AFAP1: variants seen among roughly 807,000 people sequenced by gnomAD.
The protein encoded by AFAP1 is actin filament associated protein 1.
AFAP1 carries 75 observed loss-of-function variants against 93.9 expected under a neutral mutation model. That is an observed-to-expected ratio of 0.80 (90% confidence interval 0.66 to 0.97). The LOEUF (loss-of-function observed/expected upper bound fraction) is 0.97, where lower values mean the gene tolerates loss of function less well. AFAP1 is among the 50% of genes least tolerant of loss of function. AFAP1 has a pLI of 0.00. For missense variants in AFAP1, 1,201 were observed against 1,050.8 expected (o/e 1.14, Z -1.98); for synonymous variants, 517 against 430.7 (o/e 1.20, Z -2.48).
At chr4:7,904,687 A>G (rs1719302257) in intron 1 of AFAP1, among the ~76,000 whole-genome samples, 1 of 139,432 alleles carries the variant, frequency 7.2e-6, no homozygotes, top group Non-Finnish European at 1.6e-5. Context: ...TGCCACTATT[A>G]CAAATGGTTT....
At chr4:7,847,648 G>C (rs937467153) in intron 4 of AFAP1, among the ~76,000 whole-genome samples, 1 of 152,214 alleles carries the variant, frequency 6.6e-6, no homozygotes, top group Non-Finnish European at 1.5e-5. Flanking sequence ...ATTACATTAA[G>C]AGGTCATAAA....
rs751775943 is a variant in AFAP1, at chr4:7,772,933, C to T, written c.2140G>A (p.Val714Ile). 6.2e-7 allele frequency: 1 copy of T among 1,613,888 alleles called. No individual in the cohort carries two copies. Among genetic ancestry groups the T allele is most frequent in the South Asian group, 1.1e-5 (1 of 91,090 alleles). ...EECRQKEAER[V>I]SLELELTEVK... ...TCCGTCAGCTCCAGCTCCAGGCTGA[C>T]ACGCTCCGCCTCCTTCTGCCGGCAC... is the stretch of plus-strand genomic sequence containing the variant. The change falls in exon 16 of 18, where the codon GTC becomes ATC. Residue 714 changes from valine (V) to isoleucine (I), a missense_variant. Coordinates refer to ENST00000420658, the MANE Select transcript of AFAP1 (RefSeq NM_001134647.2).
chr4:7,790,821 C>T (rs1717799107), intron 11 of AFAP1, among the ~76,000 whole-genome samples: 1 of 152,122 alleles, frequency 6.6e-6, no homozygotes, highest in Admixed American at 6.5e-5. Context: ...GATTTCCACA[C>T]AAAAGGACAG....
chr4:7,821,461 C>A (rs928213408), intron 6 of AFAP1, among the ~76,000 whole-genome samples: 1 of 152,154 alleles, frequency 6.6e-6, no homozygotes, highest in Non-Finnish European at 1.5e-5. Context: ...TTCCCAGCCG[C>A]CCCCTACATG....
chr4:7,815,951 G>A (rs2149064139), intron 8 of AFAP1, 67 bp downstream of exon 8: 2 of 1,401,032 alleles, frequency 1.4e-6, no homozygotes, highest in African/African-American at 1.5e-5. Context: ...TTACAAACCT[G>A]GCTGTAGATT....
At chr4:7,909,440 G>A (rs1355624128) in intron 1 of AFAP1, among the ~76,000 whole-genome samples, 2 of 152,078 alleles carry the variant, frequency 1.3e-5, no homozygotes, top group Admixed American at 6.5e-5. Context: ...ACCCAAAATC[G>A]TTTCCTGCCA....
At chr4:7,802,783 G>C (rs1258245010) in intron 9 of AFAP1, among the ~76,000 whole-genome samples, 1 of 151,916 alleles carries the variant, frequency 6.6e-6, no homozygotes, top group East Asian at 1.9e-4. Context: ...CCAAGCAGCT[G>C]GGACTACAGG....
intron 11 of AFAP1, among the ~76,000 whole-genome samples, chr4:7,793,023 G>A (rs1205991488): frequency 1.3e-5 from 2 of 152,294 alleles, no homozygotes; most frequent in Middle Eastern, 3.4e-3. Context: ...ATTTAACCCC[G>A]CAGACTGCCA....
intron 11 of AFAP1, among the ~76,000 whole-genome samples, chr4:7,788,309 C>T (rs1200059354): frequency 6.6e-6 from 1 of 152,224 alleles, no homozygotes; most frequent in Non-Finnish European, 1.5e-5. Context: ...AACACAGGGG[C>T]AAGTGAAGCC....
intron 13 of AFAP1, chr4:7,779,107 C>T (rs4689861): frequency 0.15 from 76,866 of 510,202 alleles, 6,226 homozygotes; most frequent in Admixed American, 0.18. Context: ...GGATGTGTTC[C>T]GCTGGAACAC....
chr4:7,908,161 G>A lies in AFAP1; in HGVS notation c.-3+31495C>T, dbSNP rs577432523. 8.7e-4 allele frequency among the ~76,000 whole-genome samples: 132 copies of A among 151,026 alleles called. 2 individuals are homozygous for A. In the South Asian group the frequency reaches 0.026, roughly 30 times the overall value. On this transcript the variant is annotated intron_variant, in intron 1 of 17. Transcript: ENST00000420658. ...TGGGGGGAGCACGTTGCAGTAAGCC[G>A]AGATCACACCACTGTACTCCAGCCT...
chr4:7,849,007 A>G (rs1350391266), intron 4 of AFAP1, among the ~76,000 whole-genome samples: 1 of 152,164 alleles, frequency 6.6e-6, no homozygotes, highest in Non-Finnish European at 1.5e-5. Flanking sequence ...GGGCGTCACG[A>G]CTTTCCAAGG....
intron 1 of AFAP1, among the ~76,000 whole-genome samples, chr4:7,897,273 C>A (rs1263747461): frequency 6.6e-6 from 1 of 152,154 alleles, no homozygotes; most frequent in East Asian, 1.9e-4. Flanking sequence ...AGAGTAAATT[C>A]AGTTATGCAA....
chr4:7,863,417 G>A (rs1577311862), intron 3 of AFAP1, among the ~76,000 whole-genome samples: 1 of 151,766 alleles, frequency 6.6e-6, no homozygotes, highest in East Asian at 1.9e-4. Context: ...AGACTGCCAA[G>A]AAAGAACGAA....
intron 4 of AFAP1, among the ~76,000 whole-genome samples, chr4:7,844,687 T>G (rs1713484075): frequency 6.6e-6 from 1 of 152,236 alleles, no homozygotes; most frequent in South Asian, 2.1e-4. Context: ...GTTAAATGTC[T>G]TTAAATTAAA....
At chr4:7,810,328 C>A (rs1164291020) in intron 8 of AFAP1, among the ~76,000 whole-genome samples, 1 of 152,192 alleles carries the variant, frequency 6.6e-6, no homozygotes, top group Non-Finnish European at 1.5e-5. Flanking sequence ...TCAGAGAAAG[C>A]CTGTCCAGGA....
intron 1 of AFAP1, among the ~76,000 whole-genome samples, chr4:7,902,840 C>T (rs1719192521): frequency 6.6e-6 from 1 of 152,160 alleles, no homozygotes; most frequent in Non-Finnish European, 1.5e-5. Flanking sequence ...TCAGCCTTTA[C>T]TTTTCTATCT....
In AFAP1 at chr4:7,772,850, G is replaced by A. The variant is rs145238950; in HGVS notation, c.2223C>T (p.Ile741=). 144 of 1,613,884 alleles carry A rather than the reference G, an allele frequency of 8.9e-5. No individual in the cohort carries two copies. Among genetic ancestry groups the A allele is most frequent in the Non-Finnish European group, 1.1e-4 (135 of 1,180,014 alleles). Residue 741 remains isoleucine, a synonymous_variant, in exon 16 of 18, where the codon ATC becomes ATT. Coordinates refer to ENST00000420658, the MANE Select transcript of AFAP1 (RefSeq NM_001134647.2). The part of the protein sequence containing the change: ...LAGGVTLGLA[I]EPKSGTSSPQ... ...GACTCGATGTCCCTGACTTGGGCTC[G>A]ATGGCCAGCCCCAGGGTGACTCCGC...
chr4:7,898,264 C>T (rs1287146240), intron 1 of AFAP1, among the ~76,000 whole-genome samples: 4 of 152,026 alleles, frequency 2.6e-5, no homozygotes, highest in South Asian at 4.1e-4. Context: ...AAAAATTAGC[C>T]GAGCATGGTG....
Sources: gnomAD v4.1 joint callset for allele counts (sites outside exome capture counted in the v4.1 genomes callset) on GRCh38, gnomAD v4.1.1 for gene constraint, MANE v1.5 for transcripts, NCBI Gene and HGNC (gene_info 2026-07-23, HGNC 2026-07-21) for gene names.